PPP1R12A: variants seen among roughly 807,000 people sequenced by gnomAD.
PPP1R12A encodes the protein myosin binding subunit.
A neutral mutation model predicts 139.6 loss-of-function variants in PPP1R12A; 19 were observed. The observed-to-expected ratio is 0.14, with a 90% CI of 0.09 to 0.20. PPP1R12A has a LOEUF of 0.20. PPP1R12A is among the 10% of genes least tolerant of loss of function. The probability of loss-of-function intolerance (pLI) is 1.00; values close to 1 mark genes in which losing one functional copy is unlikely to be tolerated. For missense variants in PPP1R12A, 925 were observed against 1,211.5 expected, an observed-to-expected ratio of 0.76 and a Z score of 3.51; for synonymous variants, 427 against 420.6, an observed-to-expected ratio of 1.02 and a Z score of -0.19.
At chr12:79,799,853 T>C (rs928014169) in intron 14 of PPP1R12A, among the ~76,000 whole-genome samples, 2 of 151,578 alleles carry the variant, frequency 1.3e-5, no homozygotes, top group Non-Finnish European at 2.9e-5. Context: ...TACAAAAAAA[T>C]AGAAAAATTA....
chr12:79,829,254 G>A lies in PPP1R12A; in HGVS notation c.648-790C>T, dbSNP rs554691977. 2.4e-4 allele frequency among the ~76,000 whole-genome samples: 36 copies of A among 152,212 alleles called. 1 individual carries two copies. The highest frequency in any genetic ancestry group is 2.2e-3 in the Admixed American group (33 of 15,284). On this transcript the variant is annotated intron_variant, in intron 4 of 24. Coordinates refer to ENST00000450142, the MANE Select transcript of PPP1R12A (RefSeq NM_002480.3). ...ATAGCATAGCCCCACACAAACAGGTGAACGAACACTAAATACAACTCATGA... is the reference window on the plus strand; with the variant it reads ...ATAGCATAGCCCCACACAAACAGGTAAACGAACACTAAATACAACTCATGA...
At chr12:79,899,909 GA>G (rs1396188511) in intron 1 of PPP1R12A, among the ~76,000 whole-genome samples, 1 of 152,036 alleles carries the variant, frequency 6.6e-6, no homozygotes, top group African/African-American at 2.4e-5. Flanking sequence ...TGGCCTTTCT[GA>G]TTAGTGTAAC....
intron 1 of PPP1R12A, among the ~76,000 whole-genome samples, chr12:79,896,073 C>A (rs1009879363): frequency 6.6e-6 from 1 of 151,474 alleles, no homozygotes; most frequent in African/African-American, 2.4e-5. Flanking sequence ...TCATAAAGTA[C>A]AAGAAACAAA....
At position 79,879,555 on chromosome 12, in the gene PPP1R12A, T is replaced by C. The variant is rs181455773; in HGVS notation, c.238-6617A>G. ...AAACTGATTAAAAAAGAAAAGAACA[T>C]TGAACAAAAAGAACAAAATACTGCT... On this transcript the variant is annotated intron_variant, in intron 1 of 24. Transcript: ENST00000450142. 2.7e-3 allele frequency among the ~76,000 whole-genome samples: 416 copies of C among 151,942 alleles called. 3 individuals are homozygous for C. The highest frequency in any genetic ancestry group is 0.017 in the Middle Eastern group (5 of 294).
chr12:79,832,580 ATAAAAT>A (rs999730320), intron 3 of PPP1R12A, 89 bp from the exon 4 acceptor site: 45 of 1,322,878 alleles, frequency 3.4e-5, no homozygotes, highest in South Asian at 4.9e-5. Context: ...TCAAGTTTAA[ATAAAAT>A]TAAAAGTGAA....
At chr12:79,904,169 C>A (rs908065422) in intron 1 of PPP1R12A, among the ~76,000 whole-genome samples, 1 of 151,354 alleles carries the variant, frequency 6.6e-6, no homozygotes, top group African/African-American at 2.4e-5. Context: ...GAGCTGAGAT[C>A]ATACCACTGC....
intron 1 of PPP1R12A, among the ~76,000 whole-genome samples, chr12:79,874,115 A>C (rs949714523): frequency 6.6e-6 from 1 of 152,066 alleles, no homozygotes; most frequent in Non-Finnish European, 1.5e-5. Context: ...TTCTCTATTA[A>C]AAGTACAAAA....
At chr12:79,933,035 T>C (rs7297027) in intron 1 of PPP1R12A, among the ~76,000 whole-genome samples, 12,061 of 152,258 alleles carry the variant, frequency 0.079, 1,213 homozygotes, top group African/African-American at 0.24. Flanking sequence ...TATAATTACA[T>C]TATCATTTTT....
intron 8 of PPP1R12A, among the ~76,000 whole-genome samples, chr12:79,818,478 A>G (rs1875683213): frequency 6.6e-6 from 1 of 152,102 alleles, no homozygotes; most frequent in Admixed American, 6.5e-5. Flanking sequence ...CGTGAGCTTA[A>G]GCAATCCTCC....
intron 3 of PPP1R12A, among the ~76,000 whole-genome samples, chr12:79,841,993 G>C (rs1878769067): frequency 2.7e-5 from 4 of 150,834 alleles, no homozygotes; most frequent in African/African-American, 9.9e-5. Context: ...TATTTTCTCA[G>C]TTTTCATGCT....
chr12:79,868,609 T>C (rs953943476), intron 2 of PPP1R12A, among the ~76,000 whole-genome samples: 1 of 152,200 alleles, frequency 6.6e-6, no homozygotes, highest in Admixed American at 6.5e-5. Flanking sequence ...GTTTCTTTCC[T>C]GTCTATGAGA....
intron 5 of PPP1R12A, among the ~76,000 whole-genome samples, chr12:79,824,742 A>G (rs1160265814): frequency 6.6e-6 from 1 of 152,192 alleles, no homozygotes; most frequent in Non-Finnish European, 1.5e-5. Context: ...TCATTGATAG[A>G]GTATAAACAC....
chr12:79,841,435 G>A (rs1411478475), intron 3 of PPP1R12A, among the ~76,000 whole-genome samples: 1 of 152,158 alleles, frequency 6.6e-6, no homozygotes, highest in Non-Finnish European at 1.5e-5. Context: ...ACTTCTGCTA[G>A]ACTGTGAAAT....
chr12:79,806,127 A>T, intron 13 of PPP1R12A, 39 bp downstream of exon 13: 1 of 1,595,996 alleles, frequency 6.3e-7, no homozygotes, highest in Non-Finnish European at 8.6e-7. Context: ...ATACATAAGC[A>T]CACAGTAGAC....
In PPP1R12A at chr12:79,808,653, AG is replaced by A. The variant is rs1285429919; in HGVS notation, c.1456-77del. On this transcript the variant is annotated intron_variant, in intron 10 of 24. Transcript: ENST00000450142. ...AGGCAATGCTAAAAGTATTAAGAAA[AG>A]GTTATTCAATAATTATAATTACATA... The A allele has an allele frequency of 6.6e-6, 5 of 757,118 alleles. No homozygotes were observed. The East Asian group carries it at 7.7e-5, about 12-fold the overall frequency. 46.9% of individuals were successfully genotyped at this position (757,118 alleles called of 1,614,324 possible). A position where few individuals can be genotyped will look rare whatever the true frequency, so the allele number is the denominator to read the frequency against.
At chr12:79,870,350 A>G (rs1184399065) in intron 2 of PPP1R12A, among the ~76,000 whole-genome samples, 2 of 152,088 alleles carry the variant, frequency 1.3e-5, no homozygotes, top group African/African-American at 4.8e-5. Flanking sequence ...TCCTGAGCTC[A>G]AGCAAGGCCT....
intron 8 of PPP1R12A, chr12:79,819,396 T>G (rs1227037062): frequency 6.6e-6 from 1 of 152,184 alleles, no homozygotes; most frequent in East Asian, 1.9e-4. Context: ...AACAGTGACT[T>G]GTATACAAAC....
intron 1 of PPP1R12A, among the ~76,000 whole-genome samples, chr12:79,897,664 T>C (rs904082025): frequency 6.6e-6 from 1 of 152,210 alleles, no homozygotes; most frequent in Admixed American, 6.5e-5. Flanking sequence ...TGTTTCACTG[T>C]GAAGACCTTA....
intron 24 of PPP1R12A, chr12:79,777,291 G>T (rs748063039): frequency 8.2e-6 from 8 of 974,994 alleles, no homozygotes; most frequent in Non-Finnish European, 9.7e-6. Context: ...GTACAGATAA[G>T]TCTTTAACTT....
Sources: gnomAD v4.1 joint callset for allele counts (sites outside exome capture counted in the v4.1 genomes callset) on GRCh38, gnomAD v4.1.1 for gene constraint, MANE v1.5 for transcripts, NCBI Gene and HGNC (gene_info 2026-07-23, HGNC 2026-07-21) for gene names.